The following ASIC2 variants were observed in gnomAD, a reference collection of about 807,000 sequenced individuals.
ASIC2 encodes the protein acid-sensing ion channel 2.
Under a neutral mutation model 57.3 loss-of-function variants are expected in ASIC2, and 25 were observed. The observed-to-expected ratio is 0.44, with a 90% CI of 0.32 to 0.61. The LOEUF (loss-of-function observed/expected upper bound fraction) is 0.61. Among genes scored for constraint, ASIC2 ranks in the 20% least tolerant of loss-of-function variants. ASIC2 has a pLI of 0.06. For synonymous variants in ASIC2, 319 were observed against 307.5 expected, an observed-to-expected ratio of 1.04 and a Z score of -0.39; for missense variants, 641 against 738.1, an observed-to-expected ratio of 0.87 and a Z score of 1.52.
At chr17:34,065,510 A>T (rs942189521) in intron 1 of ASIC2, among the ~76,000 whole-genome samples, 30 of 152,126 alleles carry the variant, frequency 2.0e-4, no homozygotes, top group African/African-American at 6.0e-4. Context: ...TTGTGGAAAA[A>T]TTTTAAAAAA....
chr17:33,028,220 G>A, intron 4 of ASIC2, 22 bp downstream of exon 4: 1 of 1,612,744 alleles, frequency 6.2e-7, no homozygotes, highest in Non-Finnish European at 8.5e-7. Context: ...GGGCCCTGTG[G>A]CCACCCTGCC....
chr17:33,352,132 G>A (rs1452416918), intron 1 of ASIC2, among the ~76,000 whole-genome samples: 1 of 152,048 alleles, frequency 6.6e-6, no homozygotes, highest in Non-Finnish European at 1.5e-5. Context: ...ACCCCTCTGA[G>A]CATGGTTCCT....
At chr17:33,876,984 G>C (rs1914562574) in intron 1 of ASIC2, among the ~76,000 whole-genome samples, 1 of 152,242 alleles carries the variant, frequency 6.6e-6, no homozygotes, top group Non-Finnish European at 1.5e-5. Context: ...GTCCAGGAAT[G>C]TGTGCTTTGC....
At chr17:34,069,124 G>C (rs1431887935) in intron 1 of ASIC2, among the ~76,000 whole-genome samples, 1 of 152,076 alleles carries the variant, frequency 6.6e-6, no homozygotes, top group East Asian at 1.9e-4. Context: ...GCCGTGATGG[G>C]AGTATTTACA....
chr17:34,099,932 T>C (rs1910798940), intron 1 of ASIC2, among the ~76,000 whole-genome samples: 1 of 152,140 alleles, frequency 6.6e-6, no homozygotes, highest in Non-Finnish European at 1.5e-5. Flanking sequence ...GGGACATGCC[T>C]AGTGAGAGGT....
chr17:33,786,620 C>T (rs1911607559), intron 1 of ASIC2, among the ~76,000 whole-genome samples: 1 of 151,980 alleles, frequency 6.6e-6, no homozygotes, highest in Admixed American at 6.6e-5. Context: ...CCTTATTTTT[C>T]CCTTTTTACT....
At chr17:33,070,997 G>T (rs1156627802) in intron 3 of ASIC2, among the ~76,000 whole-genome samples, 1 of 151,634 alleles carries the variant, frequency 6.6e-6, no homozygotes, top group African/African-American at 2.4e-5. Flanking sequence ...TTATTCCTCT[G>T]TAGGTAATGA....
intron 1 of ASIC2, among the ~76,000 whole-genome samples, chr17:33,477,043 A>T (rs1003241804): frequency 6.6e-6 from 1 of 152,176 alleles, no homozygotes; most frequent in Non-Finnish European, 1.5e-5. Flanking sequence ...TATGTATACT[A>T]TACATCTATC....
intron 1 of ASIC2, among the ~76,000 whole-genome samples, chr17:33,815,180 A>T (rs1912539869): frequency 6.6e-6 from 1 of 152,136 alleles, no homozygotes; most frequent in Non-Finnish European, 1.5e-5. Context: ...TAAATTTCTC[A>T]GTTTCCCATA....
chr17:33,225,153 C>G (rs1221059958), intron 1 of ASIC2, among the ~76,000 whole-genome samples: 1 of 152,204 alleles, frequency 6.6e-6, no homozygotes, highest in Non-Finnish European at 1.5e-5. Context: ...TTTGATTCAG[C>G]AATCCTGGGG....
intron 1 of ASIC2, among the ~76,000 whole-genome samples, chr17:33,415,684 A>C (rs547216747): frequency 6.6e-6 from 1 of 152,264 alleles, no homozygotes; most frequent in East Asian, 1.9e-4. Flanking sequence ...CAAGAAGGAG[A>C]GACAGAGAAA....
At chr17:33,342,521 G>A (rs1358640551) in intron 1 of ASIC2, among the ~76,000 whole-genome samples, 2 of 152,074 alleles carry the variant, frequency 1.3e-5, no homozygotes, top group Non-Finnish European at 2.9e-5. Flanking sequence ...TGTTGCTAGG[G>A]CCTGTCTTCT....
At chr17:33,046,564 G>A (rs569537906) in intron 3 of ASIC2, among the ~76,000 whole-genome samples, 82 of 152,144 alleles carry the variant, frequency 5.4e-4, no homozygotes, top group East Asian at 4.7e-3. Flanking sequence ...AGCCTGCCCA[G>A]CTCTGGCCTC....
At chr17:34,009,136 G>A (rs1906628405) in intron 1 of ASIC2, among the ~76,000 whole-genome samples, 1 of 151,664 alleles carries the variant, frequency 6.6e-6, no homozygotes, top group Non-Finnish European at 1.5e-5. Flanking sequence ...CAGAATAACA[G>A]CCCGGAAAAT....
Position 33,811,384 on chromosome 17 carries a change from A to G in ASIC2, c.555+344594T>C, listed in dbSNP as rs564038030. ...ATCGTTTGAACAAACAACTCGTCTT[A>G]GAGAGGAAAGGATTCACGCTCATAT... On this transcript the variant is annotated intron_variant, in intron 1 of 9. Transcript: ENST00000359872. Among the ~76,000 whole-genome samples, 6 of 152,356 alleles carry G rather than the reference A, an allele frequency of 3.9e-5. No homozygotes were observed. In the East Asian group the frequency reaches 1.2e-3, roughly 29 times the overall value.
At chr17:33,610,965 C>G (rs1905387997) in intron 1 of ASIC2, among the ~76,000 whole-genome samples, 1 of 152,114 alleles carries the variant, frequency 6.6e-6, no homozygotes, top group Admixed American at 6.5e-5. Context: ...GCACAGAAAC[C>G]CTGTAATTCC....
intron 1 of ASIC2, among the ~76,000 whole-genome samples, chr17:33,418,024 ATGTATGTGTGTG>A (rs1395829118): frequency 7.3e-5 from 8 of 110,248 alleles, no homozygotes; most frequent in Middle Eastern, 4.4e-3. Flanking sequence ...CTCAGCATGT[ATGTATGTGTGTG>A]TGTGTGTGTG....
chr17:33,420,067 G>A (rs752665353), intron 1 of ASIC2, among the ~76,000 whole-genome samples: 9 of 152,240 alleles, frequency 5.9e-5, no homozygotes, highest in Non-Finnish European at 7.4e-5. Context: ...TTCATATGCC[G>A]TTTCATTATG....
rs565101807 is a variant in ASIC2 at position 33,645,194 on chromosome 17, AGTAAT to A, written c.555+510779_555+510783del. 1.3e-3 allele frequency among the ~76,000 whole-genome samples: 193 copies of A among 152,332 alleles called. 1 individual carries two copies. The highest frequency in any genetic ancestry group is 1.8e-3 in the Non-Finnish European group (121 of 68,038). ...GCTCCATGAGCAAAACGTTAGATGCAGTAATGTAATGCCGTAAATAAATGGCAAAT... is the reference window on the plus strand; with the variant it reads ...GCTCCATGAGCAAAACGTTAGATGCAGTAATGCCGTAAATAAATGGCAAAT... On this transcript the variant is annotated intron_variant, in intron 1 of 9. Transcript: ENST00000359872.
Sources: gnomAD v4.1 joint callset for allele counts (sites outside exome capture counted in the v4.1 genomes callset) on GRCh38, gnomAD v4.1.1 for gene constraint, MANE v1.5 for transcripts, NCBI Gene and HGNC (gene_info 2026-07-23, HGNC 2026-07-21) for gene names.